TMEM92: variants seen among roughly 807,000 people sequenced by gnomAD.
TMEM92 encodes transmembrane protein 92.
A neutral mutation model predicts 14.6 loss-of-function variants in TMEM92; 15 were observed. That is an observed-to-expected ratio of 1.03 (90% CI 0.69 to 1.58). TMEM92 has a LOEUF of 1.58. Ranked by LOEUF, TMEM92 falls within the 40% of genes most tolerant of loss-of-function variation. The pLI is 0.00. For missense variants in TMEM92, 174 were observed against 202.4 expected (o/e 0.86, Z 0.85); for synonymous variants, 85 against 83.3 (o/e 1.02, Z -0.11).
chr17:50,274,430 G>A, upstream of TMEM92: 2 of 1,550,382 alleles, frequency 1.3e-6, no homozygotes, highest in Non-Finnish European at 1.8e-6. Flanking sequence ...GGGCCCCATA[G>A]GTGGAGAGAA....
Position 50,279,949 on chromosome 17 carries a change from C to T in TMEM92, c.*641C>T, listed in dbSNP as rs563913448. 4.6e-5 allele frequency: 7 copies of T among 153,538 alleles called. No homozygotes were observed. Among genetic ancestry groups the T allele is most frequent in the African/African-American group, 1.7e-4 (7 of 41,536 alleles). 9.5% of individuals were successfully genotyped at this position (153,538 alleles called of 1,614,324 possible). On this transcript the variant is annotated 3_prime_UTR_variant, in exon 5 of 5. Transcript: ENST00000507382. ...GGGAGGTCTGGGAGGACAGTCCATC[C>T]ATGGGCCGCCCTCGGAGAGAGGCTT...
At chr17:50,271,808 G>A (rs552913689), upstream of TMEM92, among the ~76,000 whole-genome samples, 161 of 152,242 alleles carry the variant, frequency 1.1e-3, no homozygotes, top group African/African-American at 3.7e-3. Flanking sequence ...GGAGGCCAAG[G>A]TGGGCATATC....
At chr17:50,276,594 G>A (rs917482436) in intron 1 of TMEM92, among the ~76,000 whole-genome samples, 1 of 152,212 alleles carries the variant, frequency 6.6e-6, no homozygotes, top group Non-Finnish European at 1.5e-5. Context: ...GTTTGTCCCA[G>A]GAGGCTAGGG....
chr17:50,277,477 G>A (rs912625441), intron 1 of TMEM92, among the ~76,000 whole-genome samples: 2 of 152,050 alleles, frequency 1.3e-5, no homozygotes, highest in African/African-American at 2.4e-5. Context: ...TTACAAACCC[G>A]GGGGTGATGG....
chr17:50,278,261 C>T (rs376444336), intron 2 of TMEM92, among the ~76,000 whole-genome samples: 10 of 152,252 alleles, frequency 6.6e-5, no homozygotes, highest in South Asian at 2.1e-4. Context: ...GTGTCATGGC[C>T]GCTGCAATGC....
In TMEM92 at chr17:50,281,455, T is replaced by C. The variant is rs1026284203; in HGVS notation, c.*2147T>C. 1.3e-5 allele frequency: 2 copies of C among 152,186 alleles called. No individual in the cohort carries two copies. The highest frequency in any genetic ancestry group is 4.8e-5 in the African/African-American group (2 of 41,420). 9.4% of individuals were successfully genotyped at this position (152,186 alleles called of 1,614,324 possible). A position where few individuals can be genotyped will look rare whatever the true frequency, so the allele number is the denominator to read the frequency against. ...CCACCAGAGCTCCCTATGCAGCCTT[T>C]TAAAAGAATAAATAGGATCTGTAGC... is the stretch of plus-strand genomic sequence containing the variant. On this transcript the variant is annotated 3_prime_UTR_variant, in exon 5 of 5. Coordinates refer to ENST00000507382, the MANE Select transcript of TMEM92 (RefSeq NM_153229.3).
intron 1 of TMEM92, among the ~76,000 whole-genome samples, chr17:50,276,408 T>C (rs1406475819): frequency 6.6e-6 from 1 of 152,188 alleles, no homozygotes; most frequent in Non-Finnish European, 1.5e-5. Flanking sequence ...GCCTGTGAGA[T>C]GGTACTCAGC....
chr17:50,275,477 C>T (rs1258089050), intron 1 of TMEM92, among the ~76,000 whole-genome samples: 1 of 152,030 alleles, frequency 6.6e-6, no homozygotes, highest in Non-Finnish European at 1.5e-5. Context: ...GTTTACCCCT[C>T]CCACCAACCC....
At chr17:50,274,200 C>T (rs1482150353), upstream of TMEM92, among the ~76,000 whole-genome samples, 2 of 152,070 alleles carry the variant, frequency 1.3e-5, no homozygotes, top group African/African-American at 4.8e-5. Context: ...AAGCTGGTCT[C>T]GAACTCCTGA....
At chr17:50,274,852 C>T (rs531485798) in intron 1 of TMEM92, 2 of 480,690 alleles carry the variant, frequency 4.2e-6, no homozygotes, top group African/African-American at 2.0e-5. Flanking sequence ...TGAATAGGGA[C>T]TTTGGACCCC....
intron 1 of TMEM92, among the ~76,000 whole-genome samples, chr17:50,276,430 C>T (rs1399655838): frequency 2.0e-5 from 3 of 152,126 alleles, no homozygotes; most frequent in East Asian, 1.9e-4. Context: ...TGGGACTGAG[C>T]GTGGAAAAGG....
At chr17:50,278,462 A>C in intron 2 of TMEM92, 94 bp from the exon 3 acceptor site, 1 of 1,409,844 alleles carries the variant, frequency 7.1e-7, no homozygotes, top group Non-Finnish European at 9.9e-7. Context: ...TGCCATGAGC[A>C]TCTTGGGTGT....
chr17:50,278,708 G>A (rs976889509), intron 3 of TMEM92, 78 bp downstream of exon 3: 90 of 1,580,598 alleles, frequency 5.7e-5, no homozygotes, highest in Non-Finnish European at 6.8e-5. Context: ...GGCACCTGCC[G>A]AGGGGGCAGT....
upstream of TMEM92, among the ~76,000 whole-genome samples, chr17:50,273,664 G>T (rs2143035461): frequency 6.6e-6 from 1 of 152,322 alleles, no homozygotes; most frequent in South Asian, 2.1e-4. Context: ...AGGGCACTCT[G>T]AAATCAGCCA....
In TMEM92 at chr17:50,279,425, C is replaced by A; in HGVS notation, c.*117C>A. 1.2e-6 allele frequency: 1 copy of A among 831,964 alleles called. No homozygotes were observed. Among genetic ancestry groups the A allele is most frequent in the Non-Finnish European group, 2.0e-6 (1 of 500,876 alleles). The allele number at this position is 831,964 out of a possible 1,614,324, so 51.5% of individuals were successfully genotyped here. A position where few individuals can be genotyped will look rare whatever the true frequency, so the allele number is the denominator to read the frequency against. On this transcript the variant is annotated 3_prime_UTR_variant, in exon 5 of 5. Coordinates refer to ENST00000507382, the MANE Select transcript of TMEM92 (RefSeq NM_153229.3). Reference sequence around the variant, plus strand: ...CTGCCCATCCTGCCGTGTCTCTGTTCATTCTTGGATTTAACTTATTACTTT... The same window carrying A: ...CTGCCCATCCTGCCGTGTCTCTGTTAATTCTTGGATTTAACTTATTACTTT...
intron 1 of TMEM92, among the ~76,000 whole-genome samples, chr17:50,276,447 AC>A (rs1470068947): frequency 6.6e-6 from 1 of 152,182 alleles, no homozygotes; most frequent in African/African-American, 2.4e-5. Context: ...AAGGGGAATT[AC>A]CCCAACTCTT....
upstream of TMEM92, among the ~76,000 whole-genome samples, chr17:50,272,484 G>A (rs1219782960): frequency 6.6e-6 from 1 of 152,112 alleles, no homozygotes; most frequent in Non-Finnish European, 1.5e-5. Flanking sequence ...GGCAGCCCAA[G>A]TTGGCAACGA....
At chr17:50,274,277 T>A (rs529096835), upstream of TMEM92, 207 of 570,246 alleles carry the variant, frequency 3.6e-4, no homozygotes, top group East Asian at 1.6e-4. Context: ...ACCGCTTTTT[T>A]AAAAATCCGT....
At position 50,278,914 on chromosome 17, in the gene TMEM92, G is replaced by A. The variant is rs776564369; in HGVS notation, c.284G>A (p.Arg95Gln). ...GAGCCAGACAGCCCAGTGGATTGCC[G>A]GGGGCCCCTGGAACTGCCCTCCATC... ...EPEPDSPVDC[R>Q]GPLELPSIIP... Residue 95 changes from arginine to glutamine, a missense_variant, in exon 4 of 5, where the codon CGG becomes CAG. Arg to Gln is a conservative substitution (Grantham distance 43). Transcript: ENST00000507382. 40 of 1,610,940 alleles carry A rather than the reference G, an allele frequency of 2.5e-5. No individual in the cohort carries two copies. Among genetic ancestry groups the A allele is most frequent in the South Asian group, 1.9e-4 (17 of 90,982 alleles).
Sources: gnomAD v4.1 joint callset for allele counts (sites outside exome capture counted in the v4.1 genomes callset) on GRCh38, gnomAD v4.1.1 for gene constraint, MANE v1.5 for transcripts, NCBI Gene and HGNC (gene_info 2026-07-23, HGNC 2026-07-21) for gene names.